Variants in ZC2HC1B observed in about 807,000 individuals in gnomAD.
ZC2HC1B encodes zinc finger C2HC domain-containing protein 1B.
ZC2HC1B carries 36 observed loss-of-function variants against 31.0 expected under a neutral mutation model. The observed-to-expected ratio is 1.16, with a 90% CI of 0.89 to 1.54. The LOEUF (loss-of-function observed/expected upper bound fraction) is 1.54, where lower values mean the gene tolerates loss of function less well. Ranked by LOEUF, ZC2HC1B falls within the 40% of genes most tolerant of loss-of-function variation. The pLI is 0.00. For synonymous variants in ZC2HC1B, 73 were observed against 88.0 expected, an observed-to-expected ratio of 0.83 and a Z score of 0.95; for missense variants, 260 against 268.6, an observed-to-expected ratio of 0.97 and a Z score of 0.22.
chr6:143,937,755 T>C, intron 7 of ZC2HC1B, 22 bp downstream of exon 7: 1 of 1,512,304 alleles, frequency 6.6e-7, no homozygotes, highest in South Asian at 1.2e-5. Context: ...AAATCACCGC[T>C]AATCCAGCTG....
intron 1 of ZC2HC1B, among the ~76,000 whole-genome samples, chr6:143,879,415 A>G (rs1039871339): frequency 2.6e-5 from 4 of 152,206 alleles, no homozygotes. Flanking sequence ...AGGATCTGCT[A>G]TCCTGAGTCT....
intron 6 of ZC2HC1B, among the ~76,000 whole-genome samples, chr6:143,935,646 C>A (rs1353734504): frequency 1.8e-5 from 1 of 55,856 alleles, no homozygotes; most frequent in Non-Finnish European, 3.4e-5. Context: ...TGGTATCACT[C>A]TTTTTTTTTT....
chr6:143,922,044 A>T lies in ZC2HC1B; in HGVS notation c.599-15605A>T, dbSNP rs916153886. 1.3e-5 allele frequency among the ~76,000 whole-genome samples: 2 copies of T among 152,234 alleles called. No homozygotes were observed. The highest frequency in any genetic ancestry group is 4.8e-5 in the African/African-American group (2 of 41,466). On this transcript the variant is annotated intron_variant, in intron 6 of 7. Coordinates refer to ENST00000237275, the MANE Select transcript of ZC2HC1B (RefSeq NM_001013623.3). The surrounding 1 kb of genome is among the most constrained non-coding windows in gnomAD (Gnocchi z 5.0). ...ATTAGAAGCATACTGGGTGAAGGTG[A>T]ATCTCTAAAGTGTTTAAGGACTTGG...
intron 4 of ZC2HC1B, among the ~76,000 whole-genome samples, chr6:143,894,060 A>G (rs1226283325): frequency 1.3e-5 from 2 of 152,366 alleles, no homozygotes; most frequent in Non-Finnish European, 2.9e-5. Context: ...TATTTATACA[A>G]AAAATGAAAA....
Position 143,886,279 on chromosome 6 carries a change from C to G in ZC2HC1B, c.210+128C>G. The G allele has an allele frequency of 1.2e-5, 13 of 1,096,764 alleles. No individual in the cohort carries two copies. Among genetic ancestry groups the G allele is most frequent in the Non-Finnish European group, 1.5e-5 (13 of 849,232 alleles). 67.9% of individuals were successfully genotyped at this position (1,096,764 alleles called of 1,614,324 possible). A position where few individuals can be genotyped will look rare whatever the true frequency, so the allele number is the denominator to read the frequency against. Reference sequence around the variant, plus strand: ...GTAATGTAACTGTAATCCACCTTTACTTTTTTCTTTATAATCTTGCTCACT... The same window carrying G: ...GTAATGTAACTGTAATCCACCTTTAGTTTTTTCTTTATAATCTTGCTCACT... On this transcript the variant is annotated intron_variant, in intron 3 of 7. Transcript: ENST00000237275. The surrounding 1 kb of genome is among the most constrained non-coding windows in gnomAD (Gnocchi z 4.2).
rs753743745 is a variant in ZC2HC1B, at chr6:143,911,460, C to G, written c.598+8308C>G. On this transcript the variant is annotated intron_variant, in intron 6 of 7. Transcript: ENST00000237275. This position sits in a 1 kb window ranked among gnomAD's most constrained non-coding sequence, Gnocchi z 4.5. ...CTTCAGGAGCTCTTGCAAGGCAGGT[C>G]TGGTGGTAACAAATTCCCTCATCAT... is the stretch of plus-strand genomic sequence containing the variant. Among the ~76,000 whole-genome samples the G allele has an allele frequency of 2.0e-5, 3 of 152,150 alleles. No individual in the cohort carries two copies. Among genetic ancestry groups the G allele is most frequent in the Non-Finnish European group, 4.4e-5 (3 of 68,034 alleles).
In ZC2HC1B at chr6:143,905,983, A is replaced by G. The variant is rs1487868836; in HGVS notation, c.598+2831A>G. On this transcript the variant is annotated intron_variant, in intron 6 of 7. Coordinates refer to ENST00000237275, the MANE Select transcript of ZC2HC1B (RefSeq NM_001013623.3). The surrounding 1 kb of genome is among the most constrained non-coding windows in gnomAD (Gnocchi z 4.2). ...TATTTTATTGAGGATTTTTGCATTAATGTTCATAAGAGATGTAGTTTTCTT... is the reference window on the plus strand; with the variant it reads ...TATTTTATTGAGGATTTTTGCATTAGTGTTCATAAGAGATGTAGTTTTCTT... Among the ~76,000 whole-genome samples the G allele has an allele frequency of 6.6e-6, 1 of 152,168 alleles. No homozygotes were observed.
At chr6:143,925,221 G>C (rs1778021230) in intron 6 of ZC2HC1B, among the ~76,000 whole-genome samples, 1 of 137,276 alleles carries the variant, frequency 7.3e-6, no homozygotes, top group African/African-American at 2.8e-5. Context: ...TGTCGCCCAG[G>C]CTGGAGTGCA....
intron 6 of ZC2HC1B, among the ~76,000 whole-genome samples, chr6:143,914,290 C>A (rs759055643): frequency 2.6e-5 from 4 of 152,086 alleles, no homozygotes; most frequent in Non-Finnish European, 5.9e-5. Flanking sequence ...TCTTGAGCTT[C>A]ATTCATCTCC....
At position 143,886,856 on chromosome 6, in the gene ZC2HC1B, G is replaced by T. The variant is rs1777536294; in HGVS notation, c.349+35G>T. ...CATTTTGGGTTGCTTTTGAGGCTATGCTTGACTTTTGACCAAATCATCATG... is the reference window on the plus strand; with the variant it reads ...CATTTTGGGTTGCTTTTGAGGCTATTCTTGACTTTTGACCAAATCATCATG... On this transcript the variant is annotated intron_variant, in intron 4 of 7. Transcript: ENST00000237275. The surrounding 1 kb of genome is among the most constrained non-coding windows in gnomAD (Gnocchi z 4.2). 1 of 1,463,626 alleles carries T rather than the reference G, an allele frequency of 6.8e-7. No homozygotes were observed. Among genetic ancestry groups the T allele is most frequent in the Admixed American group, 2.7e-5 (1 of 36,618 alleles). The allele number at this position is 1,463,626 out of a possible 1,614,324, so 90.7% of individuals were successfully genotyped here. A position where few individuals can be genotyped will look rare whatever the true frequency, so the allele number is the denominator to read the frequency against.
chr6:143,878,211 T>C (rs1777429855), intron 1 of ZC2HC1B, among the ~76,000 whole-genome samples: 2 of 151,010 alleles, frequency 1.3e-5, no homozygotes. Flanking sequence ...GGTAGTACTC[T>C]ACTTTCTTGT....
rs573238138 is a variant in ZC2HC1B, at chr6:143,933,178, T to C, written c.599-4471T>C. On this transcript the variant is annotated intron_variant, in intron 6 of 7. Transcript: ENST00000237275. The surrounding 1 kb of genome is among the most constrained non-coding windows in gnomAD (Gnocchi z 6.4). ...ACTCGGGACCACTGGTTAGCCAGGATGTTTCAGGCAGTGGAATTAGCTGCT... is the reference window on the plus strand; with the variant it reads ...ACTCGGGACCACTGGTTAGCCAGGACGTTTCAGGCAGTGGAATTAGCTGCT... Among the ~76,000 whole-genome samples the C allele has an allele frequency of 6.6e-6, 1 of 152,342 alleles. No individual in the cohort carries two copies. Among genetic ancestry groups the C allele is most frequent in the South Asian group, 2.1e-4 (1 of 4,830 alleles).
chr6:143,904,474 AC>A (rs1357211280), intron 6 of ZC2HC1B, among the ~76,000 whole-genome samples: 1 of 152,000 alleles, frequency 6.6e-6, no homozygotes, highest in Non-Finnish European at 1.5e-5. Context: ...TGATCCTCCC[AC>A]CTCAGCCTCC....
Position 143,871,692 on chromosome 6 carries a change from G to A in ZC2HC1B, c.28+7125G>A, listed in dbSNP as rs928653435. On this transcript the variant is annotated intron_variant, in intron 1 of 7. Coordinates refer to ENST00000237275, the MANE Select transcript of ZC2HC1B (RefSeq NM_001013623.3). The surrounding 1 kb of genome is among the most constrained non-coding windows in gnomAD (Gnocchi z 4.1). ...CTTGATGGTGGTACTAATCGCCACA[G>A]TCTCTGCAGGGATGTGATACTGTTT... Among the ~76,000 whole-genome samples, 7 of 152,340 alleles carry A rather than the reference G, an allele frequency of 4.6e-5. No homozygotes were observed. The South Asian group carries it at 1.2e-3, about 27-fold the overall frequency.
chr6:143,868,188 T>C lies in ZC2HC1B; in HGVS notation c.28+3621T>C, dbSNP rs777261374. 2.0e-5 allele frequency among the ~76,000 whole-genome samples: 3 copies of C among 152,240 alleles called. No homozygotes were observed. The highest frequency in any genetic ancestry group is 2.0e-4 in the Admixed American group (3 of 15,294). ...TCTGTAGAATCTGTCTTCACTGTTC[T>C]GAAACTTCCATTTTACTGAGTCTTT... On this transcript the variant is annotated intron_variant, in intron 1 of 7. Coordinates refer to ENST00000237275, the MANE Select transcript of ZC2HC1B (RefSeq NM_001013623.3). This position sits in a 1 kb window ranked among gnomAD's most constrained non-coding sequence, Gnocchi z 4.2.
intron 4 of ZC2HC1B, among the ~76,000 whole-genome samples, chr6:143,888,559 T>C (rs1055391868): frequency 6.6e-5 from 10 of 152,062 alleles, no homozygotes; most frequent in Non-Finnish European, 1.5e-4. Flanking sequence ...ACATCTTCTT[T>C]AATTTCTTTT....
intron 6 of ZC2HC1B, among the ~76,000 whole-genome samples, chr6:143,935,674 T>TTTTTTTG (rs869162265): frequency 4.1e-5 from 5 of 120,676 alleles, no homozygotes; most frequent in Non-Finnish European, 5.2e-5. Context: ...TTTTTTTTTT[T>TTTTTTTG]GAGACAGGAT....
At position 143,884,330 on chromosome 6, in the gene ZC2HC1B, GAA is replaced by G; in HGVS notation, c.56_57del (p.Glu19GlyfsTer19). 2 of 1,533,788 alleles carry G rather than the reference GAA, an allele frequency of 1.3e-6. No homozygotes were observed. Among genetic ancestry groups the G allele is most frequent in the Non-Finnish European group, 1.8e-6 (2 of 1,133,720 alleles). On this transcript the variant is annotated frameshift_variant, in exon 2 of 8. Transcript: ENST00000237275. LOFTEE classifies it high-confidence loss of function. This position sits in a 1 kb window ranked among gnomAD's most constrained non-coding sequence, Gnocchi z 5.1. ...TGGCAATCAGGAATTGTTTCCCTGT[GAA>G]GTCTGTGGAAGACGTTTTGCAGCAG... ...ADGNQELFPC[E>X]VCGRRFAADV...
chr6:143,936,658 A>G (rs1462533802), intron 6 of ZC2HC1B, among the ~76,000 whole-genome samples: 3 of 152,220 alleles, frequency 2.0e-5, no homozygotes, highest in Non-Finnish European at 2.9e-5. Flanking sequence ...ACAGAGACTA[A>G]TGTCACTATG....
Sources: allele counts gnomAD v4.1 joint callset (sites outside exome capture counted in the v4.1 genomes callset), GRCh38; gene constraint gnomAD v4.1.1; non-coding constraint Gnocchi (gnomAD v3.1); transcripts MANE v1.5; gene names NCBI Gene and HGNC (gene_info 2026-07-23, HGNC 2026-07-21).